The following AP1G1 variants were observed in gnomAD, a reference collection of about 807,000 sequenced individuals.
AP1G1 encodes adaptor related protein complex 1 subunit gamma 1.
A neutral mutation model predicts 108.3 loss-of-function variants in AP1G1; 7 were observed. The ratio of observed to expected loss-of-function variants is 0.06; its 90% CI spans 0.04 to 0.12. AP1G1 has a LOEUF of 0.12. AP1G1 is among the 10% of genes least tolerant of loss of function. The probability of loss-of-function intolerance (pLI) is 1.00; values close to 1 mark genes in which losing one functional copy is unlikely to be tolerated. For synonymous variants in AP1G1, 379 were observed against 353.5 expected, an observed-to-expected ratio of 1.07 and a Z score of -0.81; for missense variants, 756 against 1,010.7, an observed-to-expected ratio of 0.75 and a Z score of 3.42.
rs919620204 is a variant in AP1G1 at position 71,732,953 on chromosome 16, C to T, written c.*105G>A. 1.2e-6 allele frequency: 1 copy of T among 843,348 alleles called. No individual in the cohort carries two copies. The highest frequency in any genetic ancestry group is 1.9e-6 in the Non-Finnish European group (1 of 526,768). The allele number at this position is 843,348 out of a possible 1,614,324, so 52.2% of individuals were successfully genotyped here. A position where few individuals can be genotyped will look rare whatever the true frequency, so the allele number is the denominator to read the frequency against. ...TCCTCCTCAGCAGTTCTCTTCAGCT[C>T]CTCATGCCCGTGGTACAGTTGGGGG... is the stretch of plus-strand genomic sequence containing the variant. On this transcript the variant is annotated 3_prime_UTR_variant, in exon 23 of 23. Transcript: ENST00000299980.
chr16:71,731,643 A>G lies in AP1G1; in HGVS notation c.*1415T>C, dbSNP rs1444611621. The G allele has an allele frequency of 6.6e-6, 1 of 152,522 alleles. No homozygotes were observed. The highest frequency in any genetic ancestry group is 2.4e-5 in the African/African-American group (1 of 41,440). The allele number at this position is 152,522 out of a possible 1,614,324, so 9.4% of individuals were successfully genotyped here. A position where few individuals can be genotyped will look rare whatever the true frequency, so the allele number is the denominator to read the frequency against. On this transcript the variant is annotated 3_prime_UTR_variant, in exon 23 of 23. Coordinates refer to ENST00000299980, the MANE Select transcript of AP1G1 (RefSeq NM_001128.6). ...ACCTCTACTTCATTCCAGCAACTCA[A>G]TTTCAAAGTTTGATAACATATGGGT...
At chr16:71,797,791 G>A (rs1163257565) in intron 1 of AP1G1, among the ~76,000 whole-genome samples, 3 of 151,548 alleles carry the variant, frequency 2.0e-5, no homozygotes, top group Admixed American at 6.6e-5. Context: ...AGAGCAAGAC[G>A]CAGTCTCAAA....
intron 19 of AP1G1, chr16:71,743,013 G>A (rs776091864): frequency 1.3e-5 from 2 of 151,266 alleles, no homozygotes; most frequent in Admixed American, 6.6e-5. Flanking sequence ...CAATACTAAC[G>A]AACTGAGTAA....
intron 2 of AP1G1, 78 bp from the exon 3 acceptor site, chr16:71,774,670 A>C: frequency 6.9e-7 from 1 of 1,448,158 alleles, no homozygotes; most frequent in African/African-American, 1.4e-5. Flanking sequence ...TTTAACCCAG[A>C]GTCCCCAGCT....
intron 1 of AP1G1, among the ~76,000 whole-genome samples, chr16:71,807,268 TACA>T (rs1472006861): frequency 1.3e-5 from 2 of 152,016 alleles, no homozygotes; most frequent in Non-Finnish European, 2.9e-5. Flanking sequence ...TCTACTAAAA[TACA>T]ACAACAAAAA....
intron 10 of AP1G1, among the ~76,000 whole-genome samples, chr16:71,759,487 G>A (rs1319026282): frequency 2.8e-5 from 4 of 141,572 alleles, no homozygotes; most frequent in Admixed American, 7.2e-5. Context: ...GGGACTGGGC[G>A]CGGTGGCTCA....
At chr16:71,780,538 C>G (rs2031975771) in intron 2 of AP1G1, among the ~76,000 whole-genome samples, 1 of 147,486 alleles carries the variant, frequency 6.8e-6, no homozygotes. Context: ...ATGATATGAA[C>G]AATCACCTTA....
chr16:71,792,056 C>T (rs2032422650), intron 1 of AP1G1, among the ~76,000 whole-genome samples: 1 of 152,150 alleles, frequency 6.6e-6, no homozygotes, highest in Non-Finnish European at 1.5e-5. Context: ...GCCACCACGC[C>T]AGGCCAACAC....
At chr16:71,763,377 G>A (rs928389474) in intron 9 of AP1G1, among the ~76,000 whole-genome samples, 1 of 152,172 alleles carries the variant, frequency 6.6e-6, no homozygotes, top group African/African-American at 2.4e-5. Flanking sequence ...AGCATGGAGA[G>A]TTATTGTTTA....
At chr16:71,761,816 CAAAA>C (rs375647068) in intron 9 of AP1G1, among the ~76,000 whole-genome samples, 2 of 44,868 alleles carry the variant, frequency 4.5e-5, no homozygotes, top group East Asian at 4.6e-4. Context: ...GACTCCATCT[CAAAA>C]AAAAAAAAAA....
chr16:71,754,317 AAG>A (rs886651081), intron 12 of AP1G1, among the ~76,000 whole-genome samples: 10 of 150,040 alleles, frequency 6.7e-5, no homozygotes, highest in Admixed American at 5.3e-4. Flanking sequence ...AGGAACAAAA[AAG>A]AGAGAGAAAG....
intron 5 of AP1G1, 80 bp from the exon 6 acceptor site, chr16:71,769,779 G>T: frequency 2.5e-6 from 3 of 1,186,760 alleles, no homozygotes; most frequent in Non-Finnish European, 3.7e-6. Flanking sequence ...GTTCCTGAAG[G>T]TCAATTCCAA....
At chr16:71,776,585 G>A (rs1829130727) in intron 2 of AP1G1, among the ~76,000 whole-genome samples, 1 of 152,144 alleles carries the variant, frequency 6.6e-6, no homozygotes, top group Admixed American at 6.5e-5. Context: ...AATTCTATAA[G>A]TATTTTAGTA....
At position 71,774,612 on chromosome 16, in the gene AP1G1, AAAAG is replaced by A; in HGVS notation, c.202-24_202-21del. 1.3e-6 allele frequency: 2 copies of A among 1,553,838 alleles called. No individual in the cohort carries two copies. Among genetic ancestry groups the A allele is most frequent in the Non-Finnish European group, 1.7e-6 (2 of 1,157,228 alleles). The stretch of plus-strand genomic sequence containing the variant: ...CTCCAACTGCAAAAAAAGAAAAAAA[AAAAG>A]AAGGAAATTAAAACTTGCTACCACA... On this transcript the variant is annotated intron_variant, in intron 2 of 22. Coordinates refer to ENST00000299980, the MANE Select transcript of AP1G1 (RefSeq NM_001128.6).
intron 1 of AP1G1, among the ~76,000 whole-genome samples, chr16:71,804,155 T>C (rs922000010): frequency 6.9e-6 from 1 of 145,136 alleles, no homozygotes; most frequent in Non-Finnish European, 1.5e-5. Context: ...CAAGTGATTC[T>C]CCTGCCTCAG....
intron 2 of AP1G1, 131 bp from the exon 3 acceptor site, chr16:71,774,723 T>C: frequency 2.0e-6 from 2 of 1,011,612 alleles, no homozygotes; most frequent in South Asian, 1.9e-5. Flanking sequence ...ACTACCTAAA[T>C]CTTTTCTTTT....
chr16:71,746,234 T>C (rs1219105202), intron 17 of AP1G1, among the ~76,000 whole-genome samples: 1 of 152,160 alleles, frequency 6.6e-6, no homozygotes. Flanking sequence ...ATGGTCTCGA[T>C]CTCTTGACCT....
chr16:71,791,981 C>T (rs1316172823), intron 1 of AP1G1, among the ~76,000 whole-genome samples: 1 of 151,924 alleles, frequency 6.6e-6, no homozygotes, highest in Non-Finnish European at 1.5e-5. Context: ...AGGTTGGTCT[C>T]GAACTCCTGA....
chr16:71,771,139 C>T lies in AP1G1; in HGVS notation c.565+17G>A, dbSNP rs528466866. 9.5e-6 allele frequency: 14 copies of T among 1,468,208 alleles called. No individual in the cohort carries two copies. The East Asian group carries it at 2.5e-4, about 26-fold the overall frequency. The allele number at this position is 1,468,208 out of a possible 1,614,324, so 90.9% of individuals were successfully genotyped here. ...TTTCTCCCTCAATACTTCATGAATA[C>T]ATCCAAATTACATTACCATGGTTCT... On this transcript the variant is annotated intron_variant, in intron 5 of 22. Transcript: ENST00000299980.
Sources: allele counts gnomAD v4.1 joint callset (sites outside exome capture counted in the v4.1 genomes callset), GRCh38; gene constraint gnomAD v4.1.1; transcripts MANE v1.5; gene names NCBI Gene and HGNC (gene_info 2026-07-23, HGNC 2026-07-21).